Variants in SV2B observed in about 807,000 individuals in gnomAD.
SV2B encodes synaptic vesicle glycoprotein 2B, also known as solute carrier family 22 member B2.
SV2B carries 41 observed loss-of-function variants against 73.9 expected under a neutral mutation model. That is an observed-to-expected ratio of 0.56 (90% CI 0.43 to 0.72). The LOEUF is 0.72. SV2B is among the 30% of genes least tolerant of loss of function. The pLI is 0.00. For missense variants in SV2B, 764 were observed against 857.8 expected, an observed-to-expected ratio of 0.89 and a Z score of 1.37; for synonymous variants, 314 against 314.2, an observed-to-expected ratio of 1.00 and a Z score of 0.01.
chr15:91,206,276 A>C (rs2045638705), intron 1 of SV2B, among the ~76,000 whole-genome samples: 1 of 147,610 alleles, frequency 6.8e-6, no homozygotes, highest in African/African-American at 2.5e-5. Context: ...TCCTGGGCTC[A>C]AGTGATCCAC....
intron 1 of SV2B, among the ~76,000 whole-genome samples, chr15:91,190,947 G>C (rs893607250): frequency 2.7e-5 from 4 of 150,090 alleles, no homozygotes; most frequent in Admixed American, 2.7e-4. Context: ...ATAGTTTCTT[G>C]ATCTAGTGTT....
rs141580955 is a variant in SV2B, at chr15:91,206,107, A to C, written c.-391-19766A>C. Among the ~76,000 whole-genome samples the C allele has an allele frequency of 5.4e-3, 825 of 151,534 alleles. 11 individuals carry two copies. Among genetic ancestry groups the C allele is most frequent in the South Asian group, 0.023 (109 of 4,782 alleles). ...GGCTGGAGTACAGTGGTGCAATCCTAGCTCACTGCTGCCTTGAAATCCTGG... is the reference window on the plus strand; with the variant it reads ...GGCTGGAGTACAGTGGTGCAATCCTCGCTCACTGCTGCCTTGAAATCCTGG... On this transcript the variant is annotated intron_variant, in intron 1 of 12. Coordinates refer to ENST00000394232, the MANE Select transcript of SV2B (RefSeq NM_001323032.3).
chr15:91,157,026 A>G (rs2043514693), intron 1 of SV2B, among the ~76,000 whole-genome samples: 1 of 152,244 alleles, frequency 6.6e-6, no homozygotes, highest in Admixed American at 6.5e-5. Flanking sequence ...TTTGACTCCC[A>G]GCTGTAGACT....
rs2046421946 is a variant in SV2B at position 91,227,475 on chromosome 15, C to A, written c.451+761C>A. ...ATGGACAAGCATTTGTCTTTAGTCA[C>A]CAAATGTCCTGAAAAATGTATCTAC... is the stretch of plus-strand genomic sequence containing the variant. On this transcript the variant is annotated intron_variant, in intron 2 of 12. Coordinates refer to ENST00000394232, the MANE Select transcript of SV2B (RefSeq NM_001323032.3). This position sits in a 1 kb window ranked among gnomAD's most constrained non-coding sequence, Gnocchi z 4.5. 6.6e-6 allele frequency among the ~76,000 whole-genome samples: 1 copy of A among 152,154 alleles called. No individual in the cohort carries two copies. Among genetic ancestry groups the A allele is most frequent in the African/African-American group, 2.4e-5 (1 of 41,434 alleles).
chr15:91,194,030 G>A (rs1214618549), intron 1 of SV2B, among the ~76,000 whole-genome samples: 3 of 151,694 alleles, frequency 2.0e-5, no homozygotes, highest in African/African-American at 7.3e-5. Context: ...GTTTTTAATA[G>A]GAACCTGGCC....
intron 1 of SV2B, among the ~76,000 whole-genome samples, chr15:91,155,770 C>T (rs1340562778): frequency 6.6e-6 from 1 of 152,082 alleles, no homozygotes; most frequent in African/African-American, 2.4e-5. Flanking sequence ...TAATCTGAGC[C>T]ATTTGACAAA....
chr15:91,111,355 G>T (rs955304891), intron 1 of SV2B, among the ~76,000 whole-genome samples: 1 of 152,208 alleles, frequency 6.6e-6, no homozygotes, highest in South Asian at 2.1e-4. Flanking sequence ...GGTTCTTTGA[G>T]ATGGTGCAGG....
chr15:91,283,886 G>C lies in SV2B; in HGVS notation c.1508-135G>C. On this transcript the variant is annotated intron_variant, in intron 10 of 12. Transcript: ENST00000394232. This position sits in a 1 kb window ranked among gnomAD's most constrained non-coding sequence, Gnocchi z 4.3. The stretch of plus-strand genomic sequence containing the variant: ...TGATGACATGGCCACATATTACCTT[G>C]ACTTTGAGGCTGTCTGACTGGCAAA... 1 of 872,880 alleles carries C rather than the reference G, an allele frequency of 1.1e-6. No homozygotes were observed. Among genetic ancestry groups the C allele is most frequent in the Non-Finnish European group, 1.8e-6 (1 of 544,866 alleles). The allele number at this position is 872,880 out of a possible 1,614,324, so 54.1% of individuals were successfully genotyped here.
intron 1 of SV2B, among the ~76,000 whole-genome samples, chr15:91,145,572 T>C (rs2043123878): frequency 1.3e-5 from 2 of 152,234 alleles, no homozygotes; most frequent in South Asian, 4.1e-4. Flanking sequence ...CATACTGTCT[T>C]TCACAATGGT....
In SV2B at chr15:91,227,178, C is replaced by G. The variant is rs1437716655; in HGVS notation, c.451+464C>G. 6.6e-6 allele frequency among the ~76,000 whole-genome samples: 1 copy of G among 152,144 alleles called. No homozygotes were observed. Among genetic ancestry groups the G allele is most frequent in the African/African-American group, 2.4e-5 (1 of 41,424 alleles). ...GTCCGATGGTGTCTGTTCCTGGTTT[C>G]TCATGTACATAAATGTTAGTAGGCT... On this transcript the variant is annotated intron_variant, in intron 2 of 12. Transcript: ENST00000394232. The surrounding 1 kb of genome is among the most constrained non-coding windows in gnomAD (Gnocchi z 4.5).
In SV2B at chr15:91,136,480, C is replaced by T. The variant is rs1353329700; in HGVS notation, c.-392+36117C>T. ...AACCAGTGGGAAGGCCCATGCGTCT[C>T]GGGTGCTTTGTCCCAGGGAGAGAAC... On this transcript the variant is annotated intron_variant, in intron 1 of 12. Transcript: ENST00000394232. The surrounding 1 kb of genome is among the most constrained non-coding windows in gnomAD (Gnocchi z 5.6). Among the ~76,000 whole-genome samples the T allele has an allele frequency of 1.3e-5, 2 of 152,188 alleles. No homozygotes were observed. The highest frequency in any genetic ancestry group is 2.9e-5 in the Non-Finnish European group (2 of 68,030).
At chr15:91,103,358 A>G (rs554680773) in intron 1 of SV2B, among the ~76,000 whole-genome samples, 47 of 152,278 alleles carry the variant, frequency 3.1e-4, no homozygotes, top group African/African-American at 1.1e-3. Context: ...CCCCCACACT[A>G]AAAGAAAAGG....
intron 1 of SV2B, among the ~76,000 whole-genome samples, chr15:91,187,240 C>A (rs771242543): frequency 6.6e-6 from 1 of 152,196 alleles, no homozygotes. Flanking sequence ...AAATATTTCT[C>A]CATATTTGCA....
In SV2B at chr15:91,227,039, C is replaced by T. The variant is rs2046407863; in HGVS notation, c.451+325C>T. Among the ~76,000 whole-genome samples, 1 of 152,030 alleles carries T rather than the reference C, an allele frequency of 6.6e-6. No homozygotes were observed. The highest frequency in any genetic ancestry group is 2.4e-5 in the African/African-American group (1 of 41,392). Reference sequence around the variant, plus strand: ...AATGACAAATACATTTTGGGAGTGGCAAATGTGGGAGTGGCAAATTAAACC... The same window carrying T: ...AATGACAAATACATTTTGGGAGTGGTAAATGTGGGAGTGGCAAATTAAACC... On this transcript the variant is annotated intron_variant, in intron 2 of 12. Transcript: ENST00000394232. This position sits in a 1 kb window ranked among gnomAD's most constrained non-coding sequence, Gnocchi z 4.5.
At position 91,302,239 on chromosome 15, in the gene SV2B, T is replaced by C. The variant is rs1405650900; in HGVS notation, c.*9687T>C. ...GGTGAGGAGCAAGTGAAGTGTCATATGTAAAAGAGTTAATTCTCAGATTGA... is the reference window on the plus strand; with the variant it reads ...GGTGAGGAGCAAGTGAAGTGTCATACGTAAAAGAGTTAATTCTCAGATTGA... On this transcript the variant is annotated 3_prime_UTR_variant, in exon 13 of 13. Coordinates refer to ENST00000394232, the MANE Select transcript of SV2B (RefSeq NM_001323032.3). Among the ~76,000 whole-genome samples, 1 of 152,130 alleles carries C rather than the reference T, an allele frequency of 6.6e-6. No individual in the cohort carries two copies. Among genetic ancestry groups the C allele is most frequent in the Non-Finnish European group, 1.5e-5 (1 of 68,032 alleles).
chr15:91,205,349 G>A (rs553527108), intron 1 of SV2B, among the ~76,000 whole-genome samples: 1 of 152,166 alleles, frequency 6.6e-6, no homozygotes, highest in East Asian at 1.9e-4. Flanking sequence ...AAAAATGGAG[G>A]TGCTGAATAG....
At position 91,285,177 on chromosome 15, in the gene SV2B, A is replaced by G. The variant is rs117243519; in HGVS notation, c.1708+956A>G. Among the ~76,000 whole-genome samples the G allele has an allele frequency of 3.1e-4, 47 of 152,344 alleles. No individual in the cohort carries two copies. The East Asian group carries it at 8.9e-3, about 29-fold the overall frequency. The stretch of plus-strand genomic sequence containing the variant: ...CATGGGAAGGAATTCTTTTCCTGGC[A>G]TTTGGCTCATACTGAATATCACTAT... On this transcript the variant is annotated intron_variant, in intron 11 of 12. Transcript: ENST00000394232.
chr15:91,174,578 C>T (rs571411805), intron 1 of SV2B, among the ~76,000 whole-genome samples: 3 of 152,246 alleles, frequency 2.0e-5, no homozygotes, highest in South Asian at 2.1e-4. Context: ...AAATAATATT[C>T]GTCATTAGGT....
At position 91,238,485 on chromosome 15, in the gene SV2B, C is replaced by T. The variant is rs569556652; in HGVS notation, c.451+11771C>T. On this transcript the variant is annotated intron_variant, in intron 2 of 12. Transcript: ENST00000394232. The stretch of plus-strand genomic sequence containing the variant: ...TCTCCTTTATCTTGCTGTCCCACCC[C>T]TGGAAGACTTTTCCAGGTGCGCATT... 7.2e-5 allele frequency among the ~76,000 whole-genome samples: 11 copies of T among 152,358 alleles called. No homozygotes were observed. The South Asian group carries it at 2.3e-3, about 32-fold the overall frequency.
Sources: gnomAD v4.1 joint callset for allele counts (sites outside exome capture counted in the v4.1 genomes callset) on GRCh38, gnomAD v4.1.1 for gene constraint, Gnocchi (gnomAD v3.1) non-coding constraint, MANE v1.5 for transcripts, NCBI Gene and HGNC (gene_info 2026-07-23, HGNC 2026-07-21) for gene names.